REDIC1: variants seen among roughly 807,000 people sequenced by gnomAD.
The protein encoded by REDIC1 is HEI10 Interacting Protein 1.
the REDIC1 span, among the ~76,000 whole-genome samples, chr12:39,784,728 A>T: frequency 3.3e-5 from 5 of 152,228 alleles, no homozygotes; most frequent in Admixed American, 6.5e-5. Context: ...GACAAACGGG[A>T]TCTAATTAAA....
At chr12:39,637,796 A>G in the REDIC1 span, among the ~76,000 whole-genome samples, 1 of 152,092 alleles carries the variant, frequency 6.6e-6, no homozygotes, top group Non-Finnish European at 1.5e-5. Context: ...AGTTCTGGTT[A>G]GTTTCCCCTA....
the REDIC1 span, among the ~76,000 whole-genome samples, chr12:39,711,517 A>G: frequency 2.2e-5 from 3 of 138,358 alleles, no homozygotes; most frequent in Admixed American, 7.2e-5. Context: ...ATGTGTATAT[A>G]TGTGTATATG....
the REDIC1 span, among the ~76,000 whole-genome samples, chr12:39,868,082 T>G: frequency 8.5e-5 from 13 of 152,354 alleles, no homozygotes; most frequent in South Asian, 2.7e-3. Flanking sequence ...TATCAGTCCC[T>G]TGTTAGTATT....
At chr12:39,726,117 G>A in the REDIC1 span, among the ~76,000 whole-genome samples, 2 of 150,832 alleles carry the variant, frequency 1.3e-5, no homozygotes, top group African/African-American at 4.9e-5. Context: ...TTCTTTTTTT[G>A]CTGCTGCCTC....
the REDIC1 span, among the ~76,000 whole-genome samples, chr12:39,786,372 A>AACATGATTCTGAGGCCTCCCCAG: frequency 1.5e-4 from 22 of 149,998 alleles, 1 homozygote; most frequent in African/African-American, 5.2e-4. Flanking sequence ...TTCATCTCCC[A>AACATGATTCTGAGGCCTCCCCAG]CCATGATTCT....
the REDIC1 span, among the ~76,000 whole-genome samples, chr12:39,633,132 G>C: frequency 6.6e-6 from 1 of 151,704 alleles, no homozygotes; most frequent in South Asian, 2.1e-4. Context: ...ACAACGTGCA[G>C]GTTTGTTACA....
the REDIC1 span, among the ~76,000 whole-genome samples, chr12:39,837,100 C>A: frequency 1.1e-5 from 1 of 92,784 alleles, no homozygotes; most frequent in African/African-American, 5.0e-5. Flanking sequence ...TACTACAAGG[C>A]TACAGTAACC....
chr12:39,734,843 G>T, the REDIC1 span, among the ~76,000 whole-genome samples: 1 of 152,100 alleles, frequency 6.6e-6, no homozygotes, highest in Non-Finnish European at 1.5e-5. Context: ...AGGGATTTTG[G>T]CTACAGCTTG....
the REDIC1 span, among the ~76,000 whole-genome samples, chr12:39,783,785 G>C: frequency 6.6e-6 from 1 of 152,108 alleles, no homozygotes; most frequent in Non-Finnish European, 1.5e-5. Flanking sequence ...AAGTCAAATG[G>C]TCCCTGTTTG....
At chr12:39,782,504 A>G in the REDIC1 span, among the ~76,000 whole-genome samples, 20,585 of 152,172 alleles carry the variant, frequency 0.14, 1,679 homozygotes, top group East Asian at 0.39. Flanking sequence ...AGGCCTCCCC[A>G]GCCATGTGGA....
the REDIC1 span, among the ~76,000 whole-genome samples, chr12:39,654,766 T>G: frequency 6.6e-6 from 1 of 152,130 alleles, no homozygotes; most frequent in Non-Finnish European, 1.5e-5. Flanking sequence ...TAGAAAAAGT[T>G]GAAAGTGTTT....
chr12:39,732,913 G>A, the REDIC1 span, among the ~76,000 whole-genome samples: 3 of 152,046 alleles, frequency 2.0e-5, no homozygotes, highest in East Asian at 5.8e-4. Context: ...AAGGCTTATT[G>A]TGTGTATTTT....
chr12:39,788,096 T>C, the REDIC1 span, among the ~76,000 whole-genome samples: 1 of 152,146 alleles, frequency 6.6e-6, no homozygotes, highest in Non-Finnish European at 1.5e-5. Flanking sequence ...AAAATTATTT[T>C]ACCTCTAGGA....
At chr12:39,821,130 A>G in the REDIC1 span, among the ~76,000 whole-genome samples, 1 of 152,128 alleles carries the variant, frequency 6.6e-6, no homozygotes, top group African/African-American at 2.4e-5. Context: ...TAACTCAAAA[A>G]AAATTTTTCG....
the REDIC1 span, among the ~76,000 whole-genome samples, chr12:39,672,724 G>A: frequency 2.0e-5 from 3 of 152,128 alleles, no homozygotes; most frequent in African/African-American, 7.2e-5. Context: ...GGGCTCTGCT[G>A]ATCCACAGGG....
chr12:39,636,230 G>A, the REDIC1 span, among the ~76,000 whole-genome samples: 1 of 151,916 alleles, frequency 6.6e-6, no homozygotes, highest in Non-Finnish European at 1.5e-5. Context: ...GCAAGAATTC[G>A]GTCTCCGAGA....
chr12:39,627,734 C>T, the REDIC1 span, among the ~76,000 whole-genome samples: 1 of 152,094 alleles, frequency 6.6e-6, no homozygotes, highest in Non-Finnish European at 1.5e-5. Flanking sequence ...TTTATACAAA[C>T]GTCGAAGTCA....
At chr12:39,791,134 G>A in the REDIC1 span, among the ~76,000 whole-genome samples, 2 of 151,624 alleles carry the variant, frequency 1.3e-5, no homozygotes, top group Non-Finnish European at 2.9e-5. Context: ...TTTGTCAGAT[G>A]AGTAGGTTGC....
chr12:39,794,509 A>G, the REDIC1 span, among the ~76,000 whole-genome samples: 3 of 152,242 alleles, frequency 2.0e-5, no homozygotes, highest in Admixed American at 1.3e-4. Flanking sequence ...CTCTTGTAAC[A>G]AGTAGCCAAG....
Sources: allele counts gnomAD v4.1 joint callset (sites outside exome capture counted in the v4.1 genomes callset), GRCh38; gene constraint gnomAD v4.1.1; transcripts MANE v1.5; gene names NCBI Gene and HGNC (gene_info 2026-07-23, HGNC 2026-07-21).